The following PPP1R37 variants were observed in gnomAD, a reference collection of about 807,000 sequenced individuals.
PPP1R37 encodes the protein protein phosphatase 1 regulatory subunit 37.
Under a neutral mutation model 61.0 loss-of-function variants are expected in PPP1R37, and 21 were observed. The observed-to-expected ratio is 0.34, with a 90% CI of 0.24 to 0.50. PPP1R37 has a LOEUF of 0.50. PPP1R37 is among the 20% of genes least tolerant of loss of function. PPP1R37 has a pLI of 0.98. For synonymous variants in PPP1R37, 443 were observed against 433.5 expected (o/e 1.02, Z -0.27); for missense variants, 910 against 952.7 (o/e 0.96, Z 0.59).
Position 45,119,837 on chromosome 19 carries a change from C to G in PPP1R37, c.203-18677C>G, listed in dbSNP as rs538522079. Among the ~76,000 whole-genome samples, 10 of 152,268 alleles carry G rather than the reference C, an allele frequency of 6.6e-5. No homozygotes were observed. In the South Asian group the frequency reaches 1.0e-3, roughly 16 times the overall value. On this transcript the variant is annotated intron_variant, in intron 1 of 12. Coordinates refer to ENST00000221462, the MANE Select transcript of PPP1R37 (RefSeq NM_019121.2). ...CAGCTCCACCCCCCAGCACCCCGCA[C>G]AACCTTGCTGTTTGAAGGAGGCCGC...
intron 1 of PPP1R37, among the ~76,000 whole-genome samples, chr19:45,094,124 G>A (rs1211439863): frequency 6.6e-6 from 1 of 152,180 alleles, no homozygotes; most frequent in Non-Finnish European, 1.5e-5. Context: ...GTGGTTGGGT[G>A]AGGGAGAAAG....
chr19:45,107,326 G>A (rs769731315), intron 1 of PPP1R37, among the ~76,000 whole-genome samples: 8 of 152,014 alleles, frequency 5.3e-5, no homozygotes, highest in Non-Finnish European at 1.2e-4. Context: ...GGGGAGCCAG[G>A]CGCAGTGGCT....
chr19:45,146,077 AG>A (rs1342411868), intron 11 of PPP1R37, 28 bp downstream of exon 11: 2 of 1,502,376 alleles, frequency 1.3e-6, no homozygotes, highest in Non-Finnish European at 1.8e-6. Context: ...GCAGGTGTTG[AG>A]GGGCCCTGGG....
At chr19:45,142,788 T>C (rs979199050) in intron 7 of PPP1R37, 3 of 301,458 alleles carry the variant, frequency 1.0e-5, no homozygotes, top group African/African-American at 6.5e-5. Flanking sequence ...CATAACAGGG[T>C]CAGCTAGAGG....
chr19:45,109,262 A>T (rs1420907664), intron 1 of PPP1R37, among the ~76,000 whole-genome samples: 1 of 152,196 alleles, frequency 6.6e-6, no homozygotes, highest in African/African-American at 2.4e-5. Flanking sequence ...GCAGGACACT[A>T]AAGAGAAGCA....
intron 1 of PPP1R37, among the ~76,000 whole-genome samples, chr19:45,100,597 A>G (rs1044792779): frequency 1.3e-5 from 2 of 152,236 alleles, no homozygotes; most frequent in African/African-American, 4.8e-5. Context: ...CCAGGCAGCC[A>G]GCCTGGCGCC....
intron 1 of PPP1R37, among the ~76,000 whole-genome samples, chr19:45,094,341 A>C (rs1967964358): frequency 6.6e-6 from 1 of 152,196 alleles, no homozygotes; most frequent in Admixed American, 6.5e-5. Flanking sequence ...CTCCAAAAAA[A>C]AGAGAAGCAG....
At chr19:45,132,486 G>A (rs571180316) in intron 1 of PPP1R37, among the ~76,000 whole-genome samples, 2 of 152,128 alleles carry the variant, frequency 1.3e-5, no homozygotes, top group East Asian at 3.9e-4. Context: ...TTGTTTTGTA[G>A]AGACAGGGTC....
At chr19:45,094,631 G>T (rs1161269581) in intron 1 of PPP1R37, among the ~76,000 whole-genome samples, 2 of 152,162 alleles carry the variant, frequency 1.3e-5, no homozygotes, top group Non-Finnish European at 2.9e-5. Flanking sequence ...AGAGGCTGAG[G>T]CAGGGAGAAT....
chr19:45,123,149 T>C (rs1418842580), intron 1 of PPP1R37, among the ~76,000 whole-genome samples: 17 of 141,474 alleles, frequency 1.2e-4, no homozygotes, highest in Non-Finnish European at 2.6e-4. Context: ...CCACTGCCCC[T>C]GGATTTGTCT....
At chr19:45,141,967 C>G (rs576335577) in intron 5 of PPP1R37, 94 bp from the exon 6 acceptor site, 1 of 1,017,986 alleles carries the variant, frequency 9.8e-7, no homozygotes, top group South Asian at 1.9e-5. Context: ...GGGCACAGGT[C>G]CTGGGGCCAG....
At chr19:45,111,384 C>T (rs1029763441) in intron 1 of PPP1R37, among the ~76,000 whole-genome samples, 1 of 152,110 alleles carries the variant, frequency 6.6e-6, no homozygotes, top group African/African-American at 2.4e-5. Context: ...AAGCAATTCT[C>T]CAGCCACAGC....
intron 1 of PPP1R37, chr19:45,100,299 C>G (rs1968046073): frequency 6.6e-6 from 1 of 152,174 alleles, no homozygotes; most frequent in Non-Finnish European, 1.5e-5. Context: ...TGAAATACTG[C>G]AGAAATTCAA....
At chr19:45,105,907 G>T (rs901964185) in intron 1 of PPP1R37, among the ~76,000 whole-genome samples, 1 of 152,246 alleles carries the variant, frequency 6.6e-6, no homozygotes, top group African/African-American at 2.4e-5. Context: ...AGTTGGGGCT[G>T]TTGCTGGCAG....
chr19:45,141,202 C>T (rs565255328), intron 4 of PPP1R37, 120 bp from the exon 5 acceptor site: 43 of 1,128,188 alleles, frequency 3.8e-5, no homozygotes, highest in South Asian at 5.1e-5. Context: ...CCTCCTCTCC[C>T]GTGTGGCTCT....
chr19:45,124,323 C>CG (rs1968375100), intron 1 of PPP1R37, among the ~76,000 whole-genome samples: 1 of 152,172 alleles, frequency 6.6e-6, no homozygotes, highest in Admixed American at 6.5e-5. Flanking sequence ...TGGGAAGCAC[C>CG]GGGCCCTTCG....
chr19:45,122,255 G>A (rs879461360), intron 1 of PPP1R37, among the ~76,000 whole-genome samples: 12 of 152,276 alleles, frequency 7.9e-5, no homozygotes, highest in Non-Finnish European at 1.5e-4. Flanking sequence ...GCACACCTTC[G>A]CTGCCTGAGT....
In PPP1R37 at chr19:45,142,124, G is replaced by A. The variant is rs1483667601; in HGVS notation, c.631G>A (p.Val211Met). 7.8e-6 allele frequency: 12 copies of A among 1,534,964 alleles called. No individual in the cohort carries two copies. Among genetic ancestry groups the A allele is most frequent in the Non-Finnish European group, 8.7e-6 (10 of 1,146,432 alleles). Residue 211 changes from valine to methionine, a missense_variant, in exon 6 of 13, where the codon GTG becomes ATG. Val to Met is a conservative substitution (Grantham distance 21). Coordinates refer to ENST00000221462, the MANE Select transcript of PPP1R37 (RefSeq NM_019121.2). The stretch of plus-strand genomic sequence containing the variant: ...CCTGCTGGACCACTCGGCGCCCTTC[G>A]TGGCCCGTGCCCTGCGCATCCGCAG... ...TPLLDHSAPF[V>M]ARALRIRSSL...
intron 8 of PPP1R37, chr19:45,143,994 C>T (rs1248455305): frequency 6.1e-6 from 1 of 164,614 alleles, no homozygotes; most frequent in East Asian, 1.7e-4. Context: ...TGCCCGCCAC[C>T]CCGCCTAGCC....
Sources: gnomAD v4.1 joint callset for allele counts (sites outside exome capture counted in the v4.1 genomes callset) on GRCh38, gnomAD v4.1.1 for gene constraint, MANE v1.5 for transcripts, NCBI Gene and HGNC (gene_info 2026-07-23, HGNC 2026-07-21) for gene names.